The following SLC4A5 variants were observed in gnomAD, a reference collection of about 807,000 sequenced individuals.
The protein encoded by SLC4A5 is solute carrier family 4 member 5, also known as electrogenic sodium bicarbonate cotransporter 4.
A neutral mutation model predicts 120.4 loss-of-function variants in SLC4A5; 96 were observed. That is an observed-to-expected ratio of 0.80 (90% CI 0.68 to 0.94). The LOEUF is 0.94. Among genes scored for constraint, SLC4A5 ranks in the 40% least tolerant of loss-of-function variants. SLC4A5 has a pLI of 0.00. For missense variants in SLC4A5, 1,259 were observed against 1,459.5 expected (o/e 0.86, Z 2.24); for synonymous variants, 550 against 571.1 (o/e 0.96, Z 0.53).
intron 10 of SLC4A5, among the ~76,000 whole-genome samples, chr2:74,263,121 C>T (rs898962558): frequency 6.6e-6 from 1 of 152,218 alleles, no homozygotes; most frequent in Non-Finnish European, 1.5e-5. Flanking sequence ...CTCACTGCAA[C>T]CTCCGTCTCC....
intron 8 of SLC4A5, among the ~76,000 whole-genome samples, chr2:74,280,685 A>AT (rs35096924): frequency 0.012 from 1,645 of 140,914 alleles, 19 homozygotes; most frequent in African/African-American, 0.033. Context: ...ATTATACAGG[A>AT]TTTTTTTTTT....
chr2:74,230,251 G>A (rs112108714), intron 25 of SLC4A5, among the ~76,000 whole-genome samples: 1,533 of 152,296 alleles, frequency 0.01, 29 homozygotes, highest in African/African-American at 0.036. Flanking sequence ...ACTGATCAAG[G>A]GAAAGGGAGA....
chr2:74,229,544 C>T (rs1018099268), intron 25 of SLC4A5, among the ~76,000 whole-genome samples: 1 of 152,092 alleles, frequency 6.6e-6, no homozygotes, highest in Non-Finnish European at 1.5e-5. Context: ...GCTTGAGCCA[C>T]CACACCCAGC....
Position 74,227,881 on chromosome 2 carries a change from A to C in SLC4A5, c.2848-3T>G. 6.2e-7 allele frequency: 1 copy of C among 1,604,348 alleles called. No individual in the cohort carries two copies. The highest frequency in any genetic ancestry group is 8.5e-7 in the Non-Finnish European group (1 of 1,176,000). On this transcript the variant is annotated splice_polypyrimidine_tract_variant and splice_region_variant and intron_variant, in intron 25 of 30. Transcript: ENST00000394019. ...TACAGCACCGGCAGGGGGATACACTAAAATGAGAGCAGAGCTTTGGATCGG... is the reference window on the plus strand; with the variant it reads ...TACAGCACCGGCAGGGGGATACACTCAAATGAGAGCAGAGCTTTGGATCGG...
At chr2:74,252,952 T>C in intron 15 of SLC4A5, 22 bp downstream of exon 15, 1 of 1,613,950 alleles carries the variant, frequency 6.2e-7, no homozygotes. Context: ...TTTCTCTCCC[T>C]ACTGCCCATT....
At chr2:74,233,530 G>T in exon 23 of SLC4A5, 1 of 1,613,940 alleles carries the variant, frequency 6.2e-7, no homozygotes, top group Non-Finnish European at 8.5e-7. Flanking sequence ...TTCCCAAAGG[G>T]GGCCACGAAC....
At chr2:74,221,486 C>T (rs1267291592) in exon 30 of SLC4A5, 8 of 1,614,048 alleles carry the variant, frequency 5.0e-6, no homozygotes, top group Non-Finnish European at 5.9e-6. Flanking sequence ...GTAACTCCAA[C>T]TGGAAGATCT....
chr2:74,231,450 C>A, intron 24 of SLC4A5, 142 bp from the exon 25 acceptor site: 1 of 687,186 alleles, frequency 1.5e-6, no homozygotes, highest in Non-Finnish European at 2.3e-6. Context: ...TGCCTGGTTG[C>A]CTGAGGCCCA....
chr2:74,248,203 AG>A, intron 18 of SLC4A5, 149 bp downstream of exon 18: 1 of 1,060,486 alleles, frequency 9.4e-7, no homozygotes, highest in Middle Eastern at 3.2e-4. Context: ...AGGAGTCAGG[AG>A]GGGCCACCTG....
intron 10 of SLC4A5, among the ~76,000 whole-genome samples, chr2:74,262,610 A>C (rs1671175878): frequency 6.6e-6 from 1 of 151,886 alleles, no homozygotes; most frequent in Non-Finnish European, 1.5e-5. Context: ...GAGGCAGGAG[A>C]ATCACTTGAA....
intron 14 of SLC4A5, among the ~76,000 whole-genome samples, chr2:74,254,056 T>C (rs370406700): frequency 1.6e-4 from 25 of 152,322 alleles, no homozygotes; most frequent in South Asian, 1.2e-3. Flanking sequence ...GGGTAAAGCC[T>C]GCAGCCGCAA....
At chr2:74,251,287 G>A (rs1420630174) in intron 16 of SLC4A5, among the ~76,000 whole-genome samples, 4 of 151,928 alleles carry the variant, frequency 2.6e-5, no homozygotes, top group Non-Finnish European at 5.9e-5. Flanking sequence ...GAGGGCCAAA[G>A]CTGCTTACAG....
At chr2:74,268,463 CT>C (rs1203318211) in intron 8 of SLC4A5, among the ~76,000 whole-genome samples, 2 of 152,212 alleles carry the variant, frequency 1.3e-5, no homozygotes, top group Non-Finnish European at 2.9e-5. Flanking sequence ...TTCTGAAGTC[CT>C]TCTAGTATTC....
chr2:74,319,421 T>A (rs1573100203), intron 5 of SLC4A5: 3 of 152,214 alleles, frequency 2.0e-5, no homozygotes, highest in African/African-American at 7.2e-5. Flanking sequence ...GTAGCACATA[T>A]ACTAAAACTG....
intron 7 of SLC4A5, among the ~76,000 whole-genome samples, chr2:74,290,064 C>G (rs1672109101): frequency 6.6e-6 from 1 of 152,134 alleles, no homozygotes; most frequent in East Asian, 1.9e-4. Flanking sequence ...CCAGCCACAG[C>G]AGACCACATC....
At chr2:74,249,694 C>T (rs900647452) in intron 17 of SLC4A5, among the ~76,000 whole-genome samples, 4 of 152,074 alleles carry the variant, frequency 2.6e-5, no homozygotes, top group Admixed American at 6.5e-5. Flanking sequence ...AGATAAGGGA[C>T]GCAATGTCAG....
At chr2:74,324,022 T>C (rs1381837816) in intron 5 of SLC4A5, among the ~76,000 whole-genome samples, 1 of 152,238 alleles carries the variant, frequency 6.6e-6, no homozygotes, top group Non-Finnish European at 1.5e-5. Flanking sequence ...GGAAAGCTCT[T>C]ACATGTGTTA....
At chr2:74,265,753 T>G (rs1363404021) in intron 8 of SLC4A5, among the ~76,000 whole-genome samples, 1 of 152,190 alleles carries the variant, frequency 6.6e-6, no homozygotes, top group Non-Finnish European at 1.5e-5. Flanking sequence ...CTCCCTGAGT[T>G]CCCCTGCAAG....
intron 3 of SLC4A5, among the ~76,000 whole-genome samples, chr2:74,334,968 CAG>C (rs777204369): frequency 1.1e-3 from 171 of 150,362 alleles, no homozygotes; most frequent in African/African-American, 3.8e-3. Flanking sequence ...CTTGCAGGAG[CAG>C]AGAGTCTTTT....
Sources: allele counts gnomAD v4.1 joint callset (sites outside exome capture counted in the v4.1 genomes callset), GRCh38; gene constraint gnomAD v4.1.1; transcripts MANE v1.5; gene names NCBI Gene and HGNC (gene_info 2026-07-23, HGNC 2026-07-21).